Variants in TLN2 observed in about 807,000 individuals in gnomAD.
TLN2 encodes talin 2, also known as talin-2.
TLN2 carries 118 observed loss-of-function variants against 294.7 expected under a neutral mutation model. The ratio of observed to expected loss-of-function variants is 0.40; its 90% confidence interval spans 0.34 to 0.47. The LOEUF (loss-of-function observed/expected upper bound fraction) is 0.47. Ranked by LOEUF, TLN2 falls within the 20% of genes least tolerant of loss-of-function variation. The probability of loss-of-function intolerance (pLI) is 0.84; values close to 1 mark genes in which losing one functional copy is unlikely to be tolerated. For synonymous variants in TLN2, 1,431 were observed against 1,304.5 expected, an observed-to-expected ratio of 1.10 and a Z score of -2.09; for missense variants, 3,083 against 3,282.2, an observed-to-expected ratio of 0.94 and a Z score of 1.48.
intron 22 of TLN2, among the ~76,000 whole-genome samples, chr15:62,713,254 A>G (rs1261638236): frequency 7.2e-6 from 1 of 138,066 alleles, no homozygotes; most frequent in Non-Finnish European, 1.5e-5. Context: ...CTGGGTGACA[A>G]GAGCAAACCT....
In TLN2 at chr15:62,476,902, A is replaced by G. The variant is rs189198648; in HGVS notation, c.-238+86217A>G. On this transcript the variant is annotated intron_variant, in intron 1 of 58. Coordinates refer to ENST00000636159, the MANE Select transcript of TLN2 (RefSeq NM_015059.3). ...ATGCTTATCTGACTACCTTGTTTCA[A>G]TGTCTTCCTCCATCCCCAGGTATGC... Among the ~76,000 whole-genome samples, 42 of 152,166 alleles carry G rather than the reference A, an allele frequency of 2.8e-4. No homozygotes were observed. The East Asian group carries it at 4.4e-3, about 16-fold the overall frequency.
At chr15:62,520,803 C>T (rs944164033) in intron 1 of TLN2, among the ~76,000 whole-genome samples, 5 of 151,926 alleles carry the variant, frequency 3.3e-5, no homozygotes, top group Non-Finnish European at 5.9e-5. Context: ...GGAGATAGAG[C>T]GATTTAAAAA....
At chr15:62,500,580 C>T (rs1567034753) in intron 1 of TLN2, among the ~76,000 whole-genome samples, 1 of 152,134 alleles carries the variant, frequency 6.6e-6, no homozygotes, top group Non-Finnish European at 1.5e-5. Context: ...GGTGTCTAGA[C>T]AAAGCCAGGC....
chr15:62,620,506 T>C (rs576866822), intron 3 of TLN2, among the ~76,000 whole-genome samples: 149 of 151,914 alleles, frequency 9.8e-4, no homozygotes, highest in African/African-American at 3.4e-3. Context: ...TTCTTTCTTT[T>C]TTTTTTCTGT....
chr15:62,624,893 T>G (rs1358265106), intron 3 of TLN2, among the ~76,000 whole-genome samples: 1 of 152,240 alleles, frequency 6.6e-6, no homozygotes, highest in Non-Finnish European at 1.5e-5. Context: ...CGATTAAGCC[T>G]GTCTTAATCA....
intron 37 of TLN2, among the ~76,000 whole-genome samples, chr15:62,757,377 G>GCT (rs1225216527): frequency 6.6e-6 from 1 of 152,236 alleles, no homozygotes; most frequent in East Asian, 1.9e-4. Flanking sequence ...GAGCGATAGA[G>GCT]TTGACAGCAG....
Position 62,819,603 on chromosome 15 carries a change from G to A in TLN2, c.6859G>A (p.Ala2287Thr). ...VAGAVTELIQ[A>T]AEAMKGTEWV... ...CGGCGCTGTGACAGAGCTCATCCAG[G>A]CGGCGGAAGCCATGAAAGGTAGGCT... Residue 2287 changes from alanine to threonine, a missense_variant, in exon 53 of 59, where the codon GCG (alanine) becomes ACG (threonine). Coordinates refer to ENST00000636159, the MANE Select transcript of TLN2 (RefSeq NM_015059.3). 2 of 1,611,330 alleles carry A rather than the reference G, an allele frequency of 1.2e-6. No individual in the cohort carries two copies. Among genetic ancestry groups the A allele is most frequent in the Middle Eastern group, 1.6e-4 (1 of 6,062 alleles).
At chr15:62,484,379 C>T (rs767122045) in intron 1 of TLN2, among the ~76,000 whole-genome samples, 1 of 152,018 alleles carries the variant, frequency 6.6e-6, no homozygotes, top group African/African-American at 2.4e-5. Context: ...GGAGGTCATT[C>T]ATTTTGTGAA....
intron 1 of TLN2, among the ~76,000 whole-genome samples, chr15:62,582,514 A>T (rs114262014): frequency 6.6e-6 from 1 of 152,222 alleles, no homozygotes; most frequent in Non-Finnish European, 1.5e-5. Flanking sequence ...GATGTGGTCA[A>T]TGAAGTCTCC....
At chr15:62,765,287 G>A (rs2062928493) in intron 40 of TLN2, among the ~76,000 whole-genome samples, 1 of 151,844 alleles carries the variant, frequency 6.6e-6, no homozygotes, top group Non-Finnish European at 1.5e-5. Flanking sequence ...CTCTCTGCCT[G>A]CTCCCATCTG....
chr15:62,457,267 C>T (rs555103277), intron 1 of TLN2, among the ~76,000 whole-genome samples: 28 of 152,288 alleles, frequency 1.8e-4, no homozygotes, highest in African/African-American at 6.0e-4. Flanking sequence ...AGAGGGAGAG[C>T]GTGCGAGCGT....
intron 32 of TLN2, among the ~76,000 whole-genome samples, chr15:62,745,513 T>C (rs2061563141): frequency 6.6e-6 from 1 of 152,244 alleles, no homozygotes; most frequent in Non-Finnish European, 1.5e-5. Flanking sequence ...TTTTAATATA[T>C]GTCGTTCTAT....
At chr15:62,437,755 GTGT>G in intron 1 of TLN2, among the ~76,000 whole-genome samples, 1 of 151,194 alleles carries the variant, frequency 6.6e-6, no homozygotes, top group African/African-American at 2.4e-5. Flanking sequence ...CCATGGGGGT[GTGT>G]GTGTGTGTGT....
chr15:62,628,276 A>C (rs976580086), intron 3 of TLN2, among the ~76,000 whole-genome samples: 10 of 152,236 alleles, frequency 6.6e-5, no homozygotes, highest in African/African-American at 2.4e-4. Context: ...TTTTGAAACT[A>C]TTCATGTACC....
chr15:62,650,447 A>G (rs1171588378), intron 5 of TLN2, among the ~76,000 whole-genome samples: 2 of 152,208 alleles, frequency 1.3e-5, no homozygotes, highest in Non-Finnish European at 2.9e-5. Flanking sequence ...GTGAGATAAG[A>G]TACAGCATCT....
chr15:62,448,225 C>T lies in TLN2; in HGVS notation c.-238+57540C>T, dbSNP rs115819117. On this transcript the variant is annotated intron_variant, in intron 1 of 58. Coordinates refer to ENST00000636159, the MANE Select transcript of TLN2 (RefSeq NM_015059.3). The stretch of plus-strand genomic sequence containing the variant: ...AGGCTTGGGTGATCTATGTGCTATC[C>T]GCTGCAGTCCACAGCACTGAGGAGT... Among the ~76,000 whole-genome samples, 423 of 152,288 alleles carry T rather than the reference C, an allele frequency of 2.8e-3. 2 individuals are homozygous for T. Among genetic ancestry groups the T allele is most frequent in the African/African-American group, 9.7e-3 (405 of 41,570 alleles).
chr15:62,628,113 C>CT (rs1371344343), intron 3 of TLN2, among the ~76,000 whole-genome samples: 1 of 152,188 alleles, frequency 6.6e-6, no homozygotes, highest in Non-Finnish European at 1.5e-5. Context: ...ACTGAGAAGT[C>CT]TAAGATTACC....
At chr15:62,411,953 A>G (rs575919461) in intron 1 of TLN2, among the ~76,000 whole-genome samples, 3 of 152,304 alleles carry the variant, frequency 2.0e-5, no homozygotes, top group African/African-American at 7.2e-5. Flanking sequence ...TGATGATAAG[A>G]TTCATCTGAG....
At chr15:62,828,441 C>T (rs762159838) in intron 54 of TLN2, 4 of 152,364 alleles carry the variant, frequency 2.6e-5, no homozygotes, top group African/African-American at 7.2e-5. Flanking sequence ...CTTCATTAGG[C>T]AGAGTAGAAG....
Sources: allele counts gnomAD v4.1 joint callset (sites outside exome capture counted in the v4.1 genomes callset), GRCh38; gene constraint gnomAD v4.1.1; transcripts MANE v1.5; gene names NCBI Gene and HGNC (gene_info 2026-07-23, HGNC 2026-07-21).